MPPED2: variants seen among roughly 807,000 people sequenced by gnomAD.
The protein encoded by MPPED2 is metallophosphoesterase domain containing 2, also known as metallophosphoesterase MPPED2.
In MPPED2, 5 loss-of-function variants were observed where a neutral mutation model predicts 33.0. The observed-to-expected ratio is 0.15, with a 90% CI of 0.08 to 0.32. MPPED2 has a LOEUF of 0.32. Among genes scored for constraint, MPPED2 ranks in the 10% least tolerant of loss-of-function variants. The pLI, the probability that MPPED2 is intolerant of heterozygous loss-of-function variation, is 1.00. For missense variants in MPPED2, 275 were observed against 372.1 expected (o/e 0.74, Z 2.15); for synonymous variants, 136 against 141.9 (o/e 0.96, Z 0.29).
chr11:30,571,707 A>C lies in MPPED2; in HGVS notation c.128+8539T>G, dbSNP rs151295732. On this transcript the variant is annotated intron_variant, in intron 2 of 6. Coordinates refer to ENST00000358117, the MANE Select transcript of MPPED2 (RefSeq NM_001584.3). ...AACAAACTGATGAATAGATCTTCCA[A>C]GACTCAGTAAGCTTCTCCTTTTTGG... 3.3e-5 allele frequency among the ~76,000 whole-genome samples: 5 copies of C among 152,302 alleles called. 1 individual carries two copies. The East Asian group carries it at 7.7e-4, about 24-fold the overall frequency.
chr11:30,554,651 C>A (rs113426453), intron 2 of MPPED2, among the ~76,000 whole-genome samples: 1 of 152,062 alleles, frequency 6.6e-6, no homozygotes, highest in Middle Eastern at 3.2e-3. Flanking sequence ...CCTGCCACGA[C>A]GCCCAGCTAA....
intron 4 of MPPED2, among the ~76,000 whole-genome samples, chr11:30,479,526 T>C (rs1433166154): frequency 6.6e-6 from 1 of 152,102 alleles, no homozygotes; most frequent in Non-Finnish European, 1.5e-5. Flanking sequence ...AAATCATGCC[T>C]GTTGTTTCAT....
At chr11:30,465,754 G>A (rs545447240) in intron 4 of MPPED2, among the ~76,000 whole-genome samples, 61 of 152,316 alleles carry the variant, frequency 4.0e-4, no homozygotes, top group African/African-American at 1.3e-3. Flanking sequence ...TGAACTGTGT[G>A]GGTCCACTTA....
chr11:30,513,164 C>G (rs1953326916), intron 3 of MPPED2, among the ~76,000 whole-genome samples: 1 of 152,140 alleles, frequency 6.6e-6, no homozygotes, highest in Non-Finnish European at 1.5e-5. Context: ...ACCAGCATTA[C>G]CCTAGCAAGG....
chr11:30,416,492 A>AT (rs1948365534), intron 5 of MPPED2, among the ~76,000 whole-genome samples: 1 of 152,308 alleles, frequency 6.6e-6, no homozygotes, highest in East Asian at 1.9e-4. Flanking sequence ...GGTAACATGG[A>AT]TAAAAACTCC....
intron 3 of MPPED2, among the ~76,000 whole-genome samples, chr11:30,522,987 T>C (rs1953958311): frequency 6.6e-6 from 1 of 152,192 alleles, no homozygotes. Flanking sequence ...GTCAAGTGAT[T>C]ACAGCAGTTA....
At chr11:30,458,928 T>C (rs1392375035) in intron 4 of MPPED2, among the ~76,000 whole-genome samples, 13 of 132,716 alleles carry the variant, frequency 9.8e-5, no homozygotes, top group African/African-American at 3.1e-4. Context: ...TTTTTTTTTT[T>C]TTTTTTTTTT....
chr11:30,425,699 C>G (rs950960172), intron 4 of MPPED2: 8 of 152,130 alleles, frequency 5.3e-5, no homozygotes, highest in African/African-American at 1.9e-4. Context: ...GACAAGGTAC[C>G]AGGGTGCCTT....
In MPPED2 at chr11:30,542,915, A is replaced by C. The variant is rs559120860; in HGVS notation, c.129-6740T>G. On this transcript the variant is annotated intron_variant, in intron 2 of 6. Transcript: ENST00000358117. ...TAAAAATAATTTTAAAAATGACAAA[A>C]TACTGGCAAATCAGTCACCTAACTC... 2.6e-5 allele frequency among the ~76,000 whole-genome samples: 4 copies of C among 152,320 alleles called. No individual in the cohort carries two copies. The East Asian group carries it at 7.7e-4, about 29-fold the overall frequency.
chr11:30,410,700 C>CA lies in MPPED2; in HGVS notation c.*767dup, dbSNP rs1948071139. ...AAACTCCTAACGTAGTCATAATACA[C>CA]AAAAAATACTTATATATATAAACCC... On this transcript the variant is annotated 3_prime_UTR_variant, in exon 7 of 7. Transcript: ENST00000358117. 17 of 984,488 alleles carry CA rather than the reference C, an allele frequency of 1.7e-5. No individual in the cohort carries two copies. In the South Asian group the frequency reaches 1.9e-4, roughly 11 times the overall value. The allele number at this position is 984,488 out of a possible 1,614,324, so 61.0% of individuals were successfully genotyped here.
At chr11:30,497,847 GTGA>G (rs559145903) in intron 3 of MPPED2, among the ~76,000 whole-genome samples, 191 of 152,218 alleles carry the variant, frequency 1.3e-3, no homozygotes, top group South Asian at 6.4e-3. Flanking sequence ...CACAAAAAAG[GTGA>G]TGATATTTAC....
intron 4 of MPPED2, among the ~76,000 whole-genome samples, chr11:30,466,876 G>A (rs568513293): frequency 6.3e-4 from 96 of 152,094 alleles, no homozygotes; most frequent in Admixed American, 1.2e-3. Flanking sequence ...TGGTAACAAC[G>A]GGAAACCATG....
At chr11:30,551,347 CAT>C (rs1380410290) in intron 2 of MPPED2, among the ~76,000 whole-genome samples, 2 of 152,148 alleles carry the variant, frequency 1.3e-5, no homozygotes, top group Admixed American at 6.5e-5. Context: ...ATAATTTCCC[CAT>C]AGTCAGAGAT....
chr11:30,430,036 G>T (rs1159336497), intron 4 of MPPED2, among the ~76,000 whole-genome samples: 1 of 152,188 alleles, frequency 6.6e-6, no homozygotes, highest in South Asian at 2.1e-4. Context: ...CTAGCACAGT[G>T]CCTGACACAA....
At chr11:30,545,833 G>A (rs149459195) in intron 2 of MPPED2, among the ~76,000 whole-genome samples, 41 of 152,224 alleles carry the variant, frequency 2.7e-4, no homozygotes, top group African/African-American at 9.1e-4. Context: ...GTTCTAAAAT[G>A]GGACACATAG....
At chr11:30,422,803 G>A (rs532163553) in intron 4 of MPPED2, among the ~76,000 whole-genome samples, 23 of 152,274 alleles carry the variant, frequency 1.5e-4, no homozygotes, top group African/African-American at 4.1e-4. Flanking sequence ...ATTTGAGCCT[G>A]CAACCTCTCC....
At chr11:30,462,685 A>G (rs1950555439) in intron 4 of MPPED2, among the ~76,000 whole-genome samples, 1 of 152,228 alleles carries the variant, frequency 6.6e-6, no homozygotes, top group African/African-American at 2.4e-5. Flanking sequence ...CAAGAAGTCT[A>G]ATAATGTTCC....
chr11:30,475,989 T>C (rs1013057379), intron 4 of MPPED2, among the ~76,000 whole-genome samples: 1 of 152,164 alleles, frequency 6.6e-6, no homozygotes, highest in South Asian at 2.1e-4. Context: ...ATTTCAGCCA[T>C]GACTAATGTT....
At chr11:30,583,865 G>A (rs111514181) in intron 1 of MPPED2, among the ~76,000 whole-genome samples, 13 of 152,254 alleles carry the variant, frequency 8.5e-5, no homozygotes, top group African/African-American at 2.9e-4. Context: ...TCTCCAGACC[G>A]AGCCTGGCGG....
Sources: gnomAD v4.1 joint callset for allele counts (sites outside exome capture counted in the v4.1 genomes callset) on GRCh38, gnomAD v4.1.1 for gene constraint, MANE v1.5 for transcripts, NCBI Gene and HGNC (gene_info 2026-07-23, HGNC 2026-07-21) for gene names.